The following ABCA9 variants were observed in gnomAD, a reference collection of about 807,000 sequenced individuals.
ABCA9 encodes ATP binding cassette subfamily A member 9, also known as ATP-binding cassette sub-family A member 9.
ABCA9 carries 183 observed loss-of-function variants against 205.3 expected under a neutral mutation model. The ratio of observed to expected loss-of-function variants is 0.89; its 90% confidence interval spans 0.79 to 1.01. ABCA9 has a LOEUF of 1.01. Among genes scored for constraint, ABCA9 ranks in the 50% least tolerant of loss-of-function variants. The pLI is 0.00. For synonymous variants in ABCA9, 651 were observed against 683.3 expected, an observed-to-expected ratio of 0.95 and a Z score of 0.74; for missense variants, 1,805 against 1,912.4, an observed-to-expected ratio of 0.94 and a Z score of 1.05.
At chr17:69,002,946 C>CT (rs963855345) in intron 25 of ABCA9, among the ~76,000 whole-genome samples, 5 of 143,384 alleles carry the variant, frequency 3.5e-5, no homozygotes, top group African/African-American at 5.3e-5. Context: ...CAACCCCTGC[C>CT]TTTTTTTGTT....
In ABCA9 at chr17:69,026,358, C is replaced by G; in HGVS notation, c.2141+19G>C. On this transcript the variant is annotated intron_variant, in intron 16 of 38. Transcript: ENST00000340001. Reference sequence around the variant, plus strand: ...ATTTTCAGCATCTGTCAACACGTCTCCAACATTCAGGGCTGTACCTTAAAT... The same window carrying G: ...ATTTTCAGCATCTGTCAACACGTCTGCAACATTCAGGGCTGTACCTTAAAT... The G allele has an allele frequency of 6.2e-7, 1 of 1,602,190 alleles. No homozygotes were observed. The highest frequency in any genetic ancestry group is 8.5e-7 in the Non-Finnish European group (1 of 1,171,504).
chr17:69,017,847 T>TATTA, intron 20 of ABCA9, 58 bp from the exon 21 acceptor site: 4 of 1,556,502 alleles, frequency 2.6e-6, no homozygotes, highest in Non-Finnish European at 3.5e-6. Context: ...AGTCAAGTAA[T>TATTA]ATTAAAAATA....
At chr17:69,013,525 T>A (rs770863897) in intron 22 of ABCA9, among the ~76,000 whole-genome samples, 22 of 152,096 alleles carry the variant, frequency 1.4e-4, no homozygotes, top group Non-Finnish European at 2.2e-4. Flanking sequence ...TTTTCCTGAT[T>A]TGGAAGACCT....
At chr17:68,995,412 T>C (rs1001026043) in intron 26 of ABCA9, among the ~76,000 whole-genome samples, 2 of 152,228 alleles carry the variant, frequency 1.3e-5, no homozygotes, top group African/African-American at 2.4e-5. Flanking sequence ...GCCTTCTTTT[T>C]ATTTCTATCT....
chr17:69,070,556 C>T, the ABCA9 span, among the ~76,000 whole-genome samples: 5 of 152,176 alleles, frequency 3.3e-5, no homozygotes, highest in African/African-American at 9.7e-5. Flanking sequence ...TGGTGCACTC[C>T]GGCCCAGATA....
At chr17:68,993,209 G>A (rs2069512206) in intron 26 of ABCA9, 125 bp from the exon 27 acceptor site, 2 of 727,608 alleles carry the variant, frequency 2.7e-6, no homozygotes, top group East Asian at 2.8e-5. Flanking sequence ...TGCTCCCTTG[G>A]GTATCATGTA....
chr17:68,977,285 A>AG (rs910415480), intron 37 of ABCA9, among the ~76,000 whole-genome samples: 18 of 152,006 alleles, frequency 1.2e-4, no homozygotes, highest in Non-Finnish European at 1.9e-4. Flanking sequence ...GTAATAGATG[A>AG]GGGGGGGAAA....
upstream of ABCA9, among the ~76,000 whole-genome samples, chr17:69,063,130 A>T (rs1309028809): frequency 1.3e-5 from 2 of 152,212 alleles, no homozygotes; most frequent in Non-Finnish European, 1.5e-5. Flanking sequence ...CAATCTGTAG[A>T]GTCTATGAGC....
At chr17:68,983,144 A>G (rs1335345646) in intron 36 of ABCA9, among the ~76,000 whole-genome samples, 1 of 152,208 alleles carries the variant, frequency 6.6e-6, no homozygotes, top group Non-Finnish European at 1.5e-5. Flanking sequence ...TACTAAGAGG[A>G]GGAATGAAAG....
Position 69,018,495 on chromosome 17 carries a change from T to C in ABCA9, c.2685A>G (p.Glu895=). 6.2e-7 allele frequency: 1 copy of C among 1,608,460 alleles called. No homozygotes were observed. The highest frequency in any genetic ancestry group is 1.1e-5 in the South Asian group (1 of 90,334). Residue 895 remains glutamate, a synonymous_variant, in exon 20 of 39, where the codon GAA becomes GAG. Transcript: ENST00000340001. ...YESYQKSYPW[E]LSPNTYFLSP... ...AGAGGAAGTATGTATTTGGAGACAG[T>C]TCCCACGGGTAACTTTTCTGATATG...
intron 20 of ABCA9, 75 bp downstream of exon 20, chr17:69,018,338 G>T: frequency 7.8e-7 from 1 of 1,274,094 alleles, no homozygotes; most frequent in Non-Finnish European, 1.0e-6. Context: ...TTTTTTTCTT[G>T]GCTGTTCATG....
rs188646010 is a variant in ABCA9 at position 69,041,252 on chromosome 17, A to G, written c.800+2237T>C. 3.6e-4 allele frequency among the ~76,000 whole-genome samples: 55 copies of G among 152,238 alleles called. No individual in the cohort carries two copies. In the East Asian group the frequency reaches 9.7e-3, roughly 27 times the overall value. Reference sequence around the variant, plus strand: ...ATCTGAAATTGTTCATCTATATTCTATAAACTCTCCTTAGTTCCACTTAAA... The same window carrying G: ...ATCTGAAATTGTTCATCTATATTCTGTAAACTCTCCTTAGTTCCACTTAAA... On this transcript the variant is annotated intron_variant, in intron 6 of 38. Coordinates refer to ENST00000340001, the MANE Select transcript of ABCA9 (RefSeq NM_080283.4).
At position 68,992,226 on chromosome 17, in the gene ABCA9, C is replaced by T. The variant is rs1271811875; in HGVS notation, c.3665G>A (p.Cys1222Tyr). The T allele has an allele frequency of 2.5e-6, 4 of 1,599,940 alleles. No homozygotes were observed. The East Asian group carries it at 9.0e-5, about 36-fold the overall frequency. ...TTTCTTCCTGCAGTTCATTTCTAGG[C>T]ATCGCAGAATGAAAAGAAAAATGAG... is the stretch of plus-strand genomic sequence containing the variant. ...HFLIFLFILR[C>Y]LEMNCRKKLM... Residue 1222 changes from cysteine (C) to tyrosine (Y), a missense_variant, in exon 28 of 39, where the codon TGC (cysteine) becomes TAC (tyrosine). Cys to Tyr is a radical substitution (Grantham distance 194, BLOSUM62 -2). Coordinates refer to ENST00000340001, the MANE Select transcript of ABCA9 (RefSeq NM_080283.4).
rs570217556 is a variant in ABCA9 at position 68,978,890 on chromosome 17, C to T, written c.4721-2700G>A. Among the ~76,000 whole-genome samples, 121 of 152,048 alleles carry T rather than the reference C, an allele frequency of 8.0e-4. 1 individual carries two copies. The East Asian group carries it at 0.021, about 26-fold the overall frequency. Reference sequence around the variant, plus strand: ...GAAAACTGGCACAAGACAGGGATGCCCTCTCTCACCACTCCTATTCAACAT... The same window carrying T: ...GAAAACTGGCACAAGACAGGGATGCTCTCTCTCACCACTCCTATTCAACAT... On this transcript the variant is annotated intron_variant, in intron 37 of 38. Transcript: ENST00000340001.
In ABCA9 at chr17:69,027,633, C is replaced by CA; in HGVS notation, c.1791+6dup. On this transcript the variant is annotated splice_region_variant and intron_variant, in intron 13 of 38. Coordinates refer to ENST00000340001, the MANE Select transcript of ABCA9 (RefSeq NM_080283.4). ...ATGGCTATGTGACATCTAATATGCT[C>CA]ACATACCTCTTTCTCCACTTCATGT... 1 of 1,612,368 alleles carries CA rather than the reference C, an allele frequency of 6.2e-7. No homozygotes were observed. The highest frequency in any genetic ancestry group is 8.5e-7 in the Non-Finnish European group (1 of 1,179,540).
intron 37 of ABCA9, among the ~76,000 whole-genome samples, chr17:68,982,244 C>T (rs2069080437): frequency 1.3e-5 from 2 of 152,296 alleles, no homozygotes; most frequent in South Asian, 4.1e-4. Context: ...TTGGCCCCAG[C>T]ACTAATGACG....
intron 28 of ABCA9, 102 bp downstream of exon 28, chr17:68,992,073 C>T: frequency 6.7e-6 from 5 of 742,550 alleles, no homozygotes; most frequent in Non-Finnish European, 1.0e-5. Flanking sequence ...CTTTAAAAAC[C>T]ATCCTGTGAA....
chr17:69,032,166 T>A lies in ABCA9; in HGVS notation c.1387A>T (p.Thr463Ser). ...ACTGGTTCAAAACAGTCATTAGGTG[T>A]AGGATCAGAATCTGTTTCATTCTCA... ...VLENETDSDP[T>S]PNDCFEPVSP... is the part of the protein sequence containing the mutation. Residue 463 changes from threonine to serine, a missense_variant, in exon 10 of 39, where the codon ACA (threonine) becomes TCA (serine). Coordinates refer to ENST00000340001, the MANE Select transcript of ABCA9 (RefSeq NM_080283.4). 6.2e-7 allele frequency: 1 copy of A among 1,614,038 alleles called. No individual in the cohort carries two copies. Among genetic ancestry groups the A allele is most frequent in the Non-Finnish European group, 8.5e-7 (1 of 1,179,928 alleles).
intron 22 of ABCA9, 151 bp downstream of exon 22, chr17:69,016,102 G>GTATATATATA (rs369501172): frequency 3.9e-6 from 1 of 255,614 alleles, no homozygotes; most frequent in East Asian, 8.3e-5. Context: ...ATGTGTGTGT[G>GTATATATATA]TATATATATA....
Sources: allele counts gnomAD v4.1 joint callset (sites outside exome capture counted in the v4.1 genomes callset), GRCh38; gene constraint gnomAD v4.1.1; transcripts MANE v1.5; gene names NCBI Gene and HGNC (gene_info 2026-07-23, HGNC 2026-07-21).